The following ANTXR2 variants were observed in gnomAD, a reference collection of about 807,000 sequenced individuals.
The protein encoded by ANTXR2 is anthrax toxin receptor 2.
Under a neutral mutation model 73.7 loss-of-function variants are expected in ANTXR2, and 44 were observed. That is an observed-to-expected ratio of 0.60 (90% CI 0.47 to 0.77). ANTXR2 has a LOEUF of 0.77. ANTXR2 is among the 30% of genes least tolerant of loss of function. ANTXR2 has a pLI of 0.00. For missense variants in ANTXR2, 604 were observed against 592.5 expected (o/e 1.02, Z -0.20); for synonymous variants, 217 against 205.9 (o/e 1.05, Z -0.46).
At chr4:79,914,498 G>A (rs910601802) in intron 16 of ANTXR2, among the ~76,000 whole-genome samples, 3 of 151,958 alleles carry the variant, frequency 2.0e-5, no homozygotes, top group South Asian at 2.1e-4. Flanking sequence ...TCTCAGTCAC[G>A]GAGAATATCT....
intron 16 of ANTXR2, among the ~76,000 whole-genome samples, chr4:79,925,538 A>G (rs1490049037): frequency 1.3e-5 from 2 of 152,070 alleles, no homozygotes; most frequent in Admixed American, 1.3e-4. Context: ...TAACAAAAAC[A>G]TAATCTCTTT....
intron 9 of ANTXR2, 55 bp downstream of exon 9, chr4:80,033,417 G>C: frequency 7.5e-7 from 1 of 1,331,576 alleles, no homozygotes; most frequent in African/African-American, 1.5e-5. Flanking sequence ...GAAAACATTT[G>C]ATGCTGATGT....
intron 3 of ANTXR2, among the ~76,000 whole-genome samples, chr4:80,067,335 A>G (rs1041362236): frequency 6.6e-6 from 1 of 152,234 alleles, no homozygotes; most frequent in Non-Finnish European, 1.5e-5. Flanking sequence ...TTCCATGCGT[A>G]TCTAAGCAAT....
chr4:79,977,623 C>G lies in ANTXR2; in HGVS notation c.1426G>C (p.Glu476Gln). Residue 476 changes from glutamate to glutamine, a missense_variant and splice_region_variant, in exon 16 of 17, where the codon GAG becomes CAG. Glu to Gln is a conservative substitution (Grantham distance 29). Coordinates refer to ENST00000403729, the MANE Select transcript of ANTXR2 (RefSeq NM_058172.6). ...TCAATACATTCCCATATACAAACCT[C>G]ATCTCCTTCCTGAGGTCGCATCAAA... is the stretch of plus-strand genomic sequence containing the variant. Reference protein sequence around the residue: ...VSLMRPQEGDEGRCINFSRVP... With the variant: ...VSLMRPQEGDQGRCINFSRVP... 1 of 1,573,258 alleles carries G rather than the reference C, an allele frequency of 6.4e-7. No individual in the cohort carries two copies. Among genetic ancestry groups the G allele is most frequent in the Non-Finnish European group, 8.6e-7 (1 of 1,158,224 alleles).
In ANTXR2 at chr4:80,072,698, G is replaced by A. The variant is rs1223564586; in HGVS notation, c.-138C>T. On this transcript the variant is annotated 5_prime_UTR_variant, in exon 1 of 17. Coordinates refer to ENST00000403729, the MANE Select transcript of ANTXR2 (RefSeq NM_058172.6). Reference sequence around the variant, plus strand: ...AGCTGAGACGCCGGCGCCTGCGGCAGCGGGACCCACCAGCTGACAGGGAGG... The same window carrying A: ...AGCTGAGACGCCGGCGCCTGCGGCAACGGGACCCACCAGCTGACAGGGAGG... The A allele has an allele frequency of 4.5e-6, 6 of 1,344,970 alleles. No individual in the cohort carries two copies. In the African/African-American group the frequency reaches 9.2e-5, roughly 21 times the overall value. 83.3% of individuals were successfully genotyped at this position (1,344,970 alleles called of 1,614,324 possible).
chr4:79,963,865 AGAG>A (rs1395095434), intron 16 of ANTXR2, among the ~76,000 whole-genome samples: 2 of 152,224 alleles, frequency 1.3e-5, no homozygotes, highest in Non-Finnish European at 2.9e-5. Flanking sequence ...TGTAGGTAGT[AGAG>A]GAGGAGAACC....
intron 16 of ANTXR2, among the ~76,000 whole-genome samples, chr4:79,975,651 G>A (rs1047645255): frequency 6.6e-6 from 1 of 152,236 alleles, no homozygotes; most frequent in South Asian, 2.1e-4. Flanking sequence ...CTAAGATGAT[G>A]CATGAAAACA....
intron 2 of ANTXR2, among the ~76,000 whole-genome samples, chr4:80,071,158 G>A (rs1179201098): frequency 6.6e-6 from 1 of 152,180 alleles, no homozygotes; most frequent in Non-Finnish European, 1.5e-5. Flanking sequence ...ATTAACACAT[G>A]TTCATTTGAA....
chr4:80,022,304 T>C lies in ANTXR2; in HGVS notation c.867-3328A>G, dbSNP rs373147724. Among the ~76,000 whole-genome samples, 65 of 152,330 alleles carry C rather than the reference T, an allele frequency of 4.3e-4. No homozygotes were observed. In the Middle Eastern group the frequency reaches 0.01, roughly 24 times the overall value. Reference sequence around the variant, plus strand: ...ATATATATTTATGAATATGTGTGTATAGATATATGTATTCTGTGAAAATTT... The same window carrying C: ...ATATATATTTATGAATATGTGTGTACAGATATATGTATTCTGTGAAAATTT... On this transcript the variant is annotated intron_variant, in intron 10 of 16. Coordinates refer to ENST00000403729, the MANE Select transcript of ANTXR2 (RefSeq NM_058172.6).
intron 12 of ANTXR2, among the ~76,000 whole-genome samples, chr4:79,988,168 T>C (rs941899728): frequency 6.8e-6 from 1 of 146,408 alleles, no homozygotes; most frequent in African/African-American, 2.5e-5. Context: ...GAGTGGCAAG[T>C]TGGATACAGA....
chr4:80,036,934 C>T (rs894606097), intron 7 of ANTXR2, among the ~76,000 whole-genome samples: 3 of 152,120 alleles, frequency 2.0e-5, no homozygotes, highest in African/African-American at 7.2e-5. Flanking sequence ...ACATAGACTC[C>T]TTATATGAGC....
At chr4:79,922,424 C>T (rs984387052) in intron 16 of ANTXR2, among the ~76,000 whole-genome samples, 2 of 152,004 alleles carry the variant, frequency 1.3e-5, no homozygotes, top group African/African-American at 4.8e-5. Context: ...TGTTAACTAA[C>T]ATGAGTAAGT....
intron 12 of ANTXR2, among the ~76,000 whole-genome samples, chr4:80,008,120 T>C (rs1444752666): frequency 6.6e-6 from 1 of 152,260 alleles, no homozygotes; most frequent in East Asian, 1.9e-4. Flanking sequence ...GGTCATGAAA[T>C]GGTAGACCCT....
chr4:79,966,425 C>T (rs1729368158), intron 16 of ANTXR2, among the ~76,000 whole-genome samples: 1 of 152,266 alleles, frequency 6.6e-6, no homozygotes, highest in East Asian at 1.9e-4. Flanking sequence ...GATGTCTTCT[C>T]GTGCATAGAT....
intron 3 of ANTXR2, among the ~76,000 whole-genome samples, chr4:80,067,592 A>C (rs1367933970): frequency 6.6e-6 from 1 of 152,142 alleles, no homozygotes; most frequent in African/African-American, 2.4e-5. Context: ...GCAATGGAGA[A>C]AATTTATTTT....
At chr4:79,964,749 G>GC (rs1021654947) in intron 16 of ANTXR2, 27 of 152,354 alleles carry the variant, frequency 1.8e-4, no homozygotes, top group African/African-American at 5.8e-4. Flanking sequence ...CAATCCGGCC[G>GC]CTAGCTGCGG....
chr4:80,035,834 T>C (rs1732927762), intron 8 of ANTXR2, 138 bp downstream of exon 8: 3 of 681,704 alleles, frequency 4.4e-6, no homozygotes, highest in Admixed American at 6.6e-5. Context: ...AAGGAATTAT[T>C]TAAAAATTCT....
At chr4:80,024,433 G>A (rs1732320443) in intron 10 of ANTXR2, among the ~76,000 whole-genome samples, 1 of 152,194 alleles carries the variant, frequency 6.6e-6, no homozygotes, top group Non-Finnish European at 1.5e-5. Context: ...TAGAAAGGGT[G>A]AGTTTATAAG....
At chr4:79,974,895 CATTATA>C (rs1400666236) in intron 16 of ANTXR2, among the ~76,000 whole-genome samples, 4 of 151,936 alleles carry the variant, frequency 2.6e-5, no homozygotes, top group African/African-American at 9.7e-5. Flanking sequence ...AATATTATAG[CATTATA>C]ATTTAAGAAG....
Sources: allele counts gnomAD v4.1 joint callset (sites outside exome capture counted in the v4.1 genomes callset), GRCh38; gene constraint gnomAD v4.1.1; transcripts MANE v1.5; gene names NCBI Gene and HGNC (gene_info 2026-07-23, HGNC 2026-07-21).